Variants in KIF27 observed in about 807,000 individuals in gnomAD.
The protein encoded by KIF27 is kinesin-like protein KIF27.
Under a neutral mutation model 141.8 loss-of-function variants are expected in KIF27, and 84 were observed. The observed-to-expected ratio is 0.59, with a 90% CI of 0.50 to 0.71. The LOEUF (loss-of-function observed/expected upper bound fraction) is 0.71. KIF27 is among the 30% of genes least tolerant of loss of function. KIF27 has a pLI of 0.00. For synonymous variants in KIF27, 471 were observed against 569.5 expected (o/e 0.83, Z 2.46); for missense variants, 1,306 against 1,628.4 (o/e 0.80, Z 3.41).
At chr9:83,894,856 A>C (rs951219459) in intron 5 of KIF27, among the ~76,000 whole-genome samples, 1 of 152,142 alleles carries the variant, frequency 6.6e-6, no homozygotes, top group Non-Finnish European at 1.5e-5. Context: ...TACATCATCC[A>C]ATCTGAGGGT....
At position 83,904,144 on chromosome 9, in the gene KIF27, A is replaced by G. The variant is rs1412338949; in HGVS notation, c.500-126T>C. 3 of 614,398 alleles carry G rather than the reference A, an allele frequency of 4.9e-6. No individual in the cohort carries two copies. The East Asian group carries it at 8.1e-5, about 17-fold the overall frequency. 38.1% of individuals were successfully genotyped at this position (614,398 alleles called of 1,614,324 possible). A position where few individuals can be genotyped will look rare whatever the true frequency, so the allele number is the denominator to read the frequency against. ...TTTTAAAAAGTCAACAGCATTTCAGATAATAATAATAACATCAGCAACATC... is the reference window on the plus strand; with the variant it reads ...TTTTAAAAAGTCAACAGCATTTCAGGTAATAATAATAACATCAGCAACATC... On this transcript the variant is annotated intron_variant, in intron 3 of 17. Transcript: ENST00000297814.
rs111759135 is a variant in KIF27 at position 83,853,154 on chromosome 9, A to C, written c.3357+475T>G. The stretch of plus-strand genomic sequence containing the variant: ...GATTTAAGCACATTCAGGTTAATAA[A>C]ATCTACTATTATCTTTGCCACTGAT... On this transcript the variant is annotated intron_variant, in intron 15 of 17. Coordinates refer to ENST00000297814, the MANE Select transcript of KIF27 (RefSeq NM_017576.4). Among the ~76,000 whole-genome samples the C allele has an allele frequency of 6.6e-5, 10 of 152,246 alleles. 1 individual carries two copies. The highest frequency in any genetic ancestry group is 2.4e-4 in the African/African-American group (10 of 41,544).
chr9:83,850,171 A>C lies in KIF27; in HGVS notation c.3484T>G (p.Cys1162Gly), dbSNP rs749043182. 12 of 1,613,846 alleles carry C rather than the reference A, an allele frequency of 7.4e-6. No individual in the cohort carries two copies. The highest frequency in any genetic ancestry group is 1.0e-5 in the Non-Finnish European group (12 of 1,179,766). Residue 1162 changes from cysteine (C) to glycine (G), a missense_variant, in exon 16 of 18, where the codon TGT becomes GGT. Transcript: ENST00000297814. Reference sequence around the variant, plus strand: ...TGCTGGAGGGTCAGTCTCCGGTCACACTGCAATTTTAGATGGTCCAGTGCA... The same window carrying C: ...TGCTGGAGGGTCAGTCTCCGGTCACCCTGCAATTTTAGATGGTCCAGTGCA... The part of the protein sequence containing the change: ...ESALDHLKLQ[C>G]DRRLTLQQKE...
intron 14 of KIF27, among the ~76,000 whole-genome samples, chr9:83,857,380 A>T (rs1949349764): frequency 6.6e-6 from 1 of 152,164 alleles, no homozygotes; most frequent in African/African-American, 2.4e-5. Context: ...AATCGTGATA[A>T]GAGCAGAGCC....
rs144794163 is a variant in KIF27 at position 83,853,560 on chromosome 9, A to C, written c.3357+69T>G. On this transcript the variant is annotated intron_variant, in intron 15 of 17. Transcript: ENST00000297814. The stretch of plus-strand genomic sequence containing the variant: ...CCTTTCAATTTCTTTAAAAATTCAA[A>C]ATAAATATAGGATGTAAGCATCTTG... 1,975 of 1,047,048 alleles carry C rather than the reference A, an allele frequency of 1.9e-3. 25 individuals carry two copies. In the African/African-American group the frequency reaches 0.029, roughly 15 times the overall value. 64.9% of individuals were successfully genotyped at this position (1,047,048 alleles called of 1,614,324 possible).
At chr9:83,877,280 T>C (rs1451108873) in intron 11 of KIF27, among the ~76,000 whole-genome samples, 1 of 152,156 alleles carries the variant, frequency 6.6e-6, no homozygotes, top group Non-Finnish European at 1.5e-5. Flanking sequence ...ACTAAGTCTC[T>C]AGACTTATTT....
chr9:83,908,623 T>C lies in KIF27; in HGVS notation c.328A>G (p.Ile110Val), dbSNP rs1293994664. ...ASVVEGQKGI[I>V]PRAIQEIFQS... ...AATATTTCTTGAATAGCTCGAGGAATGATACCCTTTTGGCCCTCCACAACT... is the reference window on the plus strand; with the variant it reads ...AATATTTCTTGAATAGCTCGAGGAACGATACCCTTTTGGCCCTCCACAACT... Residue 110 changes from isoleucine (I) to valine (V), a missense_variant, in exon 3 of 18, where the codon ATT becomes GTT. This residue lies in a region of KIF27 where 533 missense variants were observed against 565.6 expected (regional missense o/e 0.94). Transcript: ENST00000297814. 1 of 1,610,636 alleles carries C rather than the reference T, an allele frequency of 6.2e-7. No homozygotes were observed. The highest frequency in any genetic ancestry group is 1.3e-5 in the African/African-American group (1 of 74,910).
intron 9 of KIF27, among the ~76,000 whole-genome samples, chr9:83,886,511 A>G (rs1305955983): frequency 1.2e-4 from 19 of 152,122 alleles, no homozygotes; most frequent in Non-Finnish European, 1.5e-5. Context: ...TAATAATAAC[A>G]GGACTATATT....
chr9:83,904,009 C>A lies in KIF27; in HGVS notation c.509G>T (p.Gly170Val). Residue 170 changes from glycine (G) to valine (V), a missense_variant, in exon 4 of 18, where the codon GGG becomes GTG. This residue lies in a region of KIF27 where 533 missense variants were observed against 565.6 expected (regional missense o/e 0.94). Transcript: ENST00000297814. ...EDEKGNTVIVGAKECHVESAG... is the reference protein window; with the variant it reads ...EDEKGNTVIVVAKECHVESAG... ...ACTCTCCACATGGCATTCCTTGGCC[C>A]CAACAATCACTTAAAATAGTAATAA... 6.3e-7 allele frequency: 1 copy of A among 1,596,604 alleles called. No homozygotes were observed. Among genetic ancestry groups the A allele is most frequent in the East Asian group, 2.2e-5 (1 of 44,690 alleles).
intron 11 of KIF27, among the ~76,000 whole-genome samples, chr9:83,874,502 C>T (rs1951053097): frequency 2.0e-5 from 3 of 152,144 alleles, no homozygotes; most frequent in Admixed American, 2.0e-4. Context: ...GGACTGTAAG[C>T]AGGTTTTCTG....
intron 9 of KIF27, among the ~76,000 whole-genome samples, chr9:83,885,300 C>A (rs1187293622): frequency 6.6e-6 from 1 of 152,080 alleles, no homozygotes; most frequent in Non-Finnish European, 1.5e-5. Flanking sequence ...ACCATGTTGG[C>A]CAGGCTGGTC....
At chr9:83,914,467 A>G (rs1419269312) in intron 2 of KIF27, among the ~76,000 whole-genome samples, 2 of 152,092 alleles carry the variant, frequency 1.3e-5, no homozygotes, top group Non-Finnish European at 1.5e-5. Flanking sequence ...TAATGAGAGA[A>G]GTTTCTTTTT....
At position 83,870,553 on chromosome 9, in the gene KIF27, C is replaced by T. The variant is rs754449375; in HGVS notation, c.2723G>A (p.Arg908Lys). 21 of 1,613,802 alleles carry T rather than the reference C, an allele frequency of 1.3e-5. No homozygotes were observed. The African/African-American group carries it at 2.8e-4, about 22-fold the overall frequency. The change falls in exon 12 of 18, where the codon AGA becomes AAA. Residue 908 changes from arginine to lysine, a missense_variant. By Grantham distance (26) the Arg-to-Lys change is conservative (BLOSUM62 2). This residue lies in a region of KIF27 where 596 missense variants were observed against 751.6 expected (regional missense o/e 0.79). Transcript: ENST00000297814. ...GTCTATACTTCCAAACGAACCTTTT[C>T]TCCTTTTCAAGTTACATGCATCAAG... Reference protein sequence around the residue: ...EDLDACNLKRRKGSFGSIDHL... With the variant: ...EDLDACNLKRKKGSFGSIDHL...
intron 5 of KIF27, among the ~76,000 whole-genome samples, chr9:83,895,840 T>C (rs184934862): frequency 1.3e-5 from 2 of 152,004 alleles, no homozygotes; most frequent in African/African-American, 4.8e-5. Context: ...GGTAGATCAT[T>C]TGAGGTCAGG....
At chr9:83,875,806 G>A (rs147038975) in intron 11 of KIF27, among the ~76,000 whole-genome samples, 1 of 152,318 alleles carries the variant, frequency 6.6e-6, no homozygotes, top group Non-Finnish European at 1.5e-5. Context: ...CTCAAGAGCT[G>A]TGAAGTGGGT....
chr9:83,862,389 C>T (rs1950011660), intron 13 of KIF27, among the ~76,000 whole-genome samples: 1 of 152,322 alleles, frequency 6.6e-6, no homozygotes, highest in Middle Eastern at 3.4e-3. Context: ...CAGCTTTCTA[C>T]ATATGGCTAG....
In KIF27 at chr9:83,853,713, A is replaced by G. The variant is rs1948866918; in HGVS notation, c.3273T>C (p.Ser1091=). Residue 1091 remains serine, a synonymous_variant, in exon 15 of 18, where the codon TCT becomes TCC. Coordinates refer to ENST00000297814, the MANE Select transcript of KIF27 (RefSeq NM_017576.4). ...TTTCCAAGACATTTGCTTCACCACGAGAGAGGTTATGGAATGATGCTCTAA... is the reference window on the plus strand; with the variant it reads ...TTTCCAAGACATTTGCTTCACCACGGGAGAGGTTATGGAATGATGCTCTAA... The part of the protein sequence containing the change: ...KSLRASFHNL[S]RGEANVLEKL... 3 of 1,613,848 alleles carry G rather than the reference A, an allele frequency of 1.9e-6. No homozygotes were observed. The highest frequency in any genetic ancestry group is 2.5e-6 in the Non-Finnish European group (3 of 1,179,764).
At position 83,880,489 on chromosome 9, in the gene KIF27, C is replaced by T. The variant is rs1459766750; in HGVS notation, c.2451G>A (p.Leu817=). Residue 817 remains leucine, a synonymous_variant, in exon 11 of 18, where the codon TTG becomes TTA. Transcript: ENST00000297814. ...MDAAKLRVQV[L]QKKQQDSKKL... is the part of the protein sequence containing the mutation. ...TCTTACTATCTTGTTGCTTCTTCTG[C>T]AAGACCTGAGATCATATGGAATATT... 5 of 1,608,646 alleles carry T rather than the reference C, an allele frequency of 3.1e-6. No homozygotes were observed. Among genetic ancestry groups the T allele is most frequent in the Non-Finnish European group, 4.2e-6 (5 of 1,178,634 alleles).
In KIF27 at chr9:83,880,475, T is replaced by C; in HGVS notation, c.2465A>G (p.Gln822Arg). The change falls in exon 11 of 18, where the codon CAA becomes CGA. Residue 822 changes from glutamine (Q) to arginine (R), a missense_variant. Coordinates refer to ENST00000297814, the MANE Select transcript of KIF27 (RefSeq NM_017576.4). ...LRVQVLQKKQ[Q>R]DSKKLASLSI... ...CAGTGATGCCAGTTTCTTACTATCTTGTTGCTTCTTCTGCAAGACCTGAGA... is the reference window on the plus strand; with the variant it reads ...CAGTGATGCCAGTTTCTTACTATCTCGTTGCTTCTTCTGCAAGACCTGAGA... 6.2e-7 allele frequency: 1 copy of C among 1,611,150 alleles called. No homozygotes were observed. The highest frequency in any genetic ancestry group is 1.3e-5 in the African/African-American group (1 of 74,938).
Sources: gnomAD v4.1 joint callset for allele counts (sites outside exome capture counted in the v4.1 genomes callset) on GRCh38, gnomAD v4.1.1 for gene constraint, gnomAD v4.1.1 regional missense constraint, MANE v1.5 for transcripts, NCBI Gene and HGNC (gene_info 2026-07-23, HGNC 2026-07-21) for gene names.